PIBF1: variants seen among roughly 807,000 people sequenced by gnomAD.
The protein encoded by PIBF1 is progesterone-induced-blocking factor 1.
Under a neutral mutation model 112.5 loss-of-function variants are expected in PIBF1, and 90 were observed. That is an observed-to-expected ratio of 0.80 (90% CI 0.67 to 0.95). The LOEUF is 0.95. Ranked by LOEUF, PIBF1 falls within the 40% of genes least tolerant of loss-of-function variation. The pLI is 0.00. For synonymous variants in PIBF1, 301 were observed against 288.6 expected (o/e 1.04, Z -0.44); for missense variants, 915 against 852.3 (o/e 1.07, Z -0.92).
intron 14 of PIBF1, among the ~76,000 whole-genome samples, chr13:72,948,468 T>C (rs1239867445): frequency 6.6e-6 from 1 of 152,106 alleles, no homozygotes; most frequent in Non-Finnish European, 1.5e-5. Flanking sequence ...GTTCAACCAG[T>C]CTCTAGGAGG....
intron 3 of PIBF1, among the ~76,000 whole-genome samples, chr13:72,793,258 C>T (rs1411727339): frequency 6.6e-6 from 1 of 152,084 alleles, no homozygotes; most frequent in Admixed American, 6.5e-5. Flanking sequence ...ATGTTTAGTT[C>T]TATGTTTTAA....
intron 8 of PIBF1, among the ~76,000 whole-genome samples, chr13:72,833,111 C>T (rs991055555): frequency 6.6e-6 from 1 of 152,132 alleles, no homozygotes; most frequent in Non-Finnish European, 1.5e-5. Context: ...TGTTTTTCAG[C>T]TCCATCAGGT....
chr13:72,802,385 A>G lies in PIBF1; in HGVS notation c.672+4359A>G, dbSNP rs974546441. On this transcript the variant is annotated intron_variant, in intron 5 of 17. Transcript: ENST00000326291. ...AGACTGTAGAGCTATAAGGATGGAA[A>G]CAAAGAGACTTGTTAAGAGGCTGTT... Among the ~76,000 whole-genome samples the G allele has an allele frequency of 2.6e-5, 4 of 152,204 alleles. No individual in the cohort carries two copies. The South Asian group carries it at 8.3e-4, about 31-fold the overall frequency.
chr13:72,910,368 CAT>C lies in PIBF1; in HGVS notation c.1639+1690_1639+1691del, dbSNP rs545291059. Among the ~76,000 whole-genome samples, 74 of 152,234 alleles carry C rather than the reference CAT, an allele frequency of 4.9e-4. 1 individual carries two copies. The East Asian group carries it at 0.013, about 27-fold the overall frequency. On this transcript the variant is annotated intron_variant, in intron 12 of 17. Coordinates refer to ENST00000326291, the MANE Select transcript of PIBF1 (RefSeq NM_006346.4). Reference sequence around the variant, plus strand: ...AGACTCATGTTTATCTTTCTGCTTTCATATCTTGCCATTCCCCTCCATATCAT... The same window carrying C: ...AGACTCATGTTTATCTTTCTGCTTTCATCTTGCCATTCCCCTCCATATCAT...
At chr13:72,893,384 T>G (rs2040136671) in intron 10 of PIBF1, among the ~76,000 whole-genome samples, 1 of 152,136 alleles carries the variant, frequency 6.6e-6, no homozygotes, top group Admixed American at 6.6e-5. Flanking sequence ...TTCATTGCTT[T>G]CTTCTCCATC....
At chr13:72,785,407 C>A (rs186502015) in intron 2 of PIBF1, among the ~76,000 whole-genome samples, 2 of 152,282 alleles carry the variant, frequency 1.3e-5, no homozygotes, top group East Asian at 3.9e-4. Flanking sequence ...AAGTGCCCAG[C>A]TATTTCTTAA....
chr13:73,000,490 G>T (rs2043824062), intron 17 of PIBF1, among the ~76,000 whole-genome samples: 1 of 152,168 alleles, frequency 6.6e-6, no homozygotes, highest in Admixed American at 6.5e-5. Flanking sequence ...AGCTGCCGAG[G>T]ACTGTTTATT....
intron 9 of PIBF1, among the ~76,000 whole-genome samples, chr13:72,837,446 T>C (rs2037410854): frequency 6.6e-6 from 1 of 152,114 alleles, no homozygotes; most frequent in Non-Finnish European, 1.5e-5. Flanking sequence ...TTAAATAGCA[T>C]TATTTTTTAT....
intron 16 of PIBF1, among the ~76,000 whole-genome samples, chr13:72,975,344 C>A (rs1234300631): frequency 6.6e-6 from 1 of 152,042 alleles, no homozygotes; most frequent in East Asian, 1.9e-4. Context: ...TGTGAGCCAC[C>A]GCGCCCGACC....
At chr13:72,899,239 A>G (rs924835174) in intron 11 of PIBF1, among the ~76,000 whole-genome samples, 1 of 152,194 alleles carries the variant, frequency 6.6e-6, no homozygotes, top group African/African-American at 2.4e-5. Flanking sequence ...ATTTCACAAG[A>G]TAGAGAAAGA....
chr13:72,987,016 A>T (rs1369829745), intron 16 of PIBF1, among the ~76,000 whole-genome samples: 1 of 152,202 alleles, frequency 6.6e-6, no homozygotes, highest in Admixed American at 6.5e-5. Context: ...GTATTAGAAT[A>T]AGAAGTAGAT....
intron 10 of PIBF1, among the ~76,000 whole-genome samples, chr13:72,871,486 A>G (rs1002412863): frequency 6.6e-6 from 1 of 152,072 alleles, no homozygotes; most frequent in Admixed American, 6.6e-5. Context: ...TTGTATTTTT[A>G]GTAGAGATAG....
chr13:72,807,726 A>G (rs551006458), intron 5 of PIBF1, among the ~76,000 whole-genome samples: 30 of 152,200 alleles, frequency 2.0e-4, no homozygotes, highest in Admixed American at 3.3e-4. Context: ...ATTATAAATG[A>G]ATGTGTTTTC....
chr13:72,975,046 A>G (rs1184657706), intron 16 of PIBF1, among the ~76,000 whole-genome samples: 2 of 151,596 alleles, frequency 1.3e-5, no homozygotes, highest in Non-Finnish European at 2.9e-5. Flanking sequence ...TTCTAATAGA[A>G]AAAGAAACTT....
intron 13 of PIBF1, among the ~76,000 whole-genome samples, chr13:72,926,233 G>A (rs1042617197): frequency 5.3e-5 from 8 of 151,958 alleles, no homozygotes; most frequent in African/African-American, 1.5e-4. Flanking sequence ...TTTTTGATAC[G>A]AATTTTTATT....
At position 72,792,317 on chromosome 13, in the gene PIBF1, G is replaced by T. The variant is rs982642897; in HGVS notation, c.253-130G>T. 6.6e-6 allele frequency: 4 copies of T among 606,106 alleles called. No individual in the cohort carries two copies. The South Asian group carries it at 8.8e-5, about 13-fold the overall frequency. The allele number at this position is 606,106 out of a possible 1,614,324, so 37.5% of individuals were successfully genotyped here. Reference sequence around the variant, plus strand: ...CAAAGTGCTGGAATTATAGGCGTGAGCCCCTGTGCCTGGTCCCTCTATCCA... The same window carrying T: ...CAAAGTGCTGGAATTATAGGCGTGATCCCCTGTGCCTGGTCCCTCTATCCA... On this transcript the variant is annotated intron_variant, in intron 2 of 17. Coordinates refer to ENST00000326291, the MANE Select transcript of PIBF1 (RefSeq NM_006346.4).
intron 13 of PIBF1, among the ~76,000 whole-genome samples, chr13:72,921,271 T>G (rs1566449689): frequency 6.6e-6 from 1 of 151,886 alleles, no homozygotes; most frequent in Non-Finnish European, 1.5e-5. Flanking sequence ...CCTGGCTAAT[T>G]GTTTGTATTT....
intron 10 of PIBF1, among the ~76,000 whole-genome samples, chr13:72,877,159 G>C (rs1469647923): frequency 6.6e-6 from 1 of 152,016 alleles, no homozygotes; most frequent in Non-Finnish European, 1.5e-5. Flanking sequence ...TTCTTCCTCA[G>C]CTTGTTGATG....
intron 5 of PIBF1, among the ~76,000 whole-genome samples, chr13:72,820,975 TC>T (rs1270084981): frequency 2.0e-5 from 3 of 152,100 alleles, no homozygotes; most frequent in Admixed American, 6.6e-5. Context: ...CAAGACAAAA[TC>T]CCCACCCTTA....
Sources: gnomAD v4.1 joint callset for allele counts (sites outside exome capture counted in the v4.1 genomes callset) on GRCh38, gnomAD v4.1.1 for gene constraint, MANE v1.5 for transcripts, NCBI Gene and HGNC (gene_info 2026-07-23, HGNC 2026-07-21) for gene names.